TMEM233: variants seen among roughly 807,000 people sequenced by gnomAD.
The protein encoded by TMEM233 is dispanin subfamily B member 2.
TMEM233 carries 6 observed loss-of-function variants against 11.2 expected under a neutral mutation model. The ratio of observed to expected loss-of-function variants is 0.54; its 90% CI spans 0.29 to 1.06. The LOEUF (loss-of-function observed/expected upper bound fraction) is 1.06. Among genes scored for constraint, TMEM233 ranks in the 50% least tolerant of loss-of-function variants. The pLI, the probability that TMEM233 is intolerant of heterozygous loss-of-function variation, is 0.08. For synonymous variants in TMEM233, 59 were observed against 55.8 expected (o/e 1.06, Z -0.26); for missense variants, 127 against 144.7 (o/e 0.88, Z 0.63).
intron 2 of TMEM233, among the ~76,000 whole-genome samples, chr12:119,634,659 G>C (rs549433347): frequency 6.6e-6 from 1 of 152,134 alleles, no homozygotes; most frequent in South Asian, 2.1e-4. Context: ...GTAAATTACT[G>C]CCTTTTAAAA....
chr12:119,638,357 G>A (rs1955008509), intron 2 of TMEM233, among the ~76,000 whole-genome samples: 2 of 152,262 alleles, frequency 1.3e-5, no homozygotes, highest in South Asian at 2.1e-4. Flanking sequence ...CAGCTACTTG[G>A]GAGGCTCAGG....
intron 1 of TMEM233, among the ~76,000 whole-genome samples, chr12:119,599,805 T>A (rs557974525): frequency 6.6e-6 from 1 of 152,184 alleles, no homozygotes; most frequent in Admixed American, 6.5e-5. Context: ...CCTCACCAAC[T>A]CAGACAGAAG....
rs969758400 is a variant in TMEM233, at chr12:119,595,448, T to C, written c.186+1414T>C. On this transcript the variant is annotated intron_variant, in intron 1 of 2. Transcript: ENST00000426426. This position sits in a 1 kb window ranked among gnomAD's most constrained non-coding sequence, Gnocchi z 4.3. ...CTCCATTTGCACCCGTAACTTGCCC[T>C]TTCCCAAACCCGGTTTGTGGACAGC... is the stretch of plus-strand genomic sequence containing the variant. Among the ~76,000 whole-genome samples the C allele has an allele frequency of 9.2e-5, 14 of 152,256 alleles. No individual in the cohort carries two copies. The highest frequency in any genetic ancestry group is 3.1e-4 in the African/African-American group (13 of 41,480).
chr12:119,648,664 A>C, the TMEM233 span, among the ~76,000 whole-genome samples: 1 of 152,174 alleles, frequency 6.6e-6, no homozygotes, highest in African/African-American at 2.4e-5. Context: ...GAGGGCAGGG[A>C]CCATGTTCAT....
intron 1 of TMEM233, among the ~76,000 whole-genome samples, chr12:119,610,825 T>C (rs1954382638): frequency 6.6e-6 from 1 of 152,140 alleles, no homozygotes; most frequent in Non-Finnish European, 1.5e-5. Context: ...ATACAACCCA[T>C]TTGCAGTCAC....
At chr12:119,637,003 T>C (rs996860297) in intron 2 of TMEM233, among the ~76,000 whole-genome samples, 22 of 152,022 alleles carry the variant, frequency 1.4e-4, no homozygotes, top group African/African-American at 5.3e-4. Flanking sequence ...TGTGGCTGGG[T>C]TTAGGGTTCA....
intron 1 of TMEM233, among the ~76,000 whole-genome samples, chr12:119,627,791 C>T (rs1274852134): frequency 6.6e-6 from 1 of 152,170 alleles, no homozygotes; most frequent in African/African-American, 2.4e-5. Context: ...CCGGCTGAAA[C>T]AGGGAAAAGG....
In TMEM233 at chr12:119,593,929, C is replaced by A. The variant is rs750433707; in HGVS notation, c.81C>A (p.Thr27=). 1 of 1,551,740 alleles carries A rather than the reference C, an allele frequency of 6.4e-7. No individual in the cohort carries two copies. The highest frequency in any genetic ancestry group is 1.2e-5 in the South Asian group (1 of 84,064). Residue 27 remains threonine (T), a synonymous_variant, in exon 1 of 3, where the codon ACC becomes ACA. Coordinates refer to ENST00000426426, the MANE Select transcript of TMEM233 (RefSeq NM_001136534.3). The surrounding 1 kb of genome is among the most constrained non-coding windows in gnomAD (Gnocchi z 4.1). ...SPEANTEDDK[T]EEDVPMPKNY... Reference sequence around the variant, plus strand: ...AGGCCAACACTGAAGATGACAAGACCGAGGAGGACGTGCCCATGCCCAAGA... The same window carrying A: ...AGGCCAACACTGAAGATGACAAGACAGAGGAGGACGTGCCCATGCCCAAGA...
At position 119,594,367 on chromosome 12, in the gene TMEM233, T is replaced by A. The variant is rs1035678088; in HGVS notation, c.186+333T>A. 3.8e-6 allele frequency: 1 copy of A among 263,122 alleles called. No homozygotes were observed. The highest frequency in any genetic ancestry group is 5.0e-5 in the Admixed American group (1 of 20,062). 16.3% of individuals were successfully genotyped at this position (263,122 alleles called of 1,614,324 possible). A position where few individuals can be genotyped will look rare whatever the true frequency, so the allele number is the denominator to read the frequency against. ...ACTTTGCTGACTCCTCTGACCTTCCTAGGCACTTGCCCGGGGCTTCTCAAC... is the reference window on the plus strand; with the variant it reads ...ACTTTGCTGACTCCTCTGACCTTCCAAGGCACTTGCCCGGGGCTTCTCAAC... On this transcript the variant is annotated intron_variant, in intron 1 of 2. Transcript: ENST00000426426. The surrounding 1 kb of genome is among the most constrained non-coding windows in gnomAD (Gnocchi z 5.6).
chr12:119,628,791 C>G (rs377516964), intron 1 of TMEM233, among the ~76,000 whole-genome samples: 1 of 152,004 alleles, frequency 6.6e-6, no homozygotes, highest in Non-Finnish European at 1.5e-5. Flanking sequence ...TGAGCCACCA[C>G]GCCCGGCCCA....
chr12:119,616,337 C>A (rs1954532697), intron 1 of TMEM233, among the ~76,000 whole-genome samples: 1 of 152,204 alleles, frequency 6.6e-6, no homozygotes, highest in African/African-American at 2.4e-5. Context: ...AGACTATGCT[C>A]TTGTTCTATA....
Position 119,629,784 on chromosome 12 carries a change from G to C in TMEM233, c.235G>C (p.Gly79Arg). 6 of 1,551,664 alleles carry C rather than the reference G, an allele frequency of 3.9e-6. No individual in the cohort carries two copies. Among genetic ancestry groups the C allele is most frequent in the Non-Finnish European group, 5.2e-6 (6 of 1,146,960 alleles). ...DGDYEGARRL[G>R]RNAKWVAIAS... is the part of the protein sequence containing the mutation. ...AGACTACGAAGGAGCCAGGCGGCTT[G>C]GGCGGAATGCTAAGTGGGTAGCCAT... is the stretch of plus-strand genomic sequence containing the variant. Residue 79 changes from glycine (G) to arginine (R), a missense_variant, in exon 2 of 3, where the codon GGG becomes CGG. Transcript: ENST00000426426.
downstream of TMEM233, among the ~76,000 whole-genome samples, chr12:119,643,220 C>A (rs1362498017): frequency 1.3e-5 from 2 of 152,136 alleles, no homozygotes; most frequent in East Asian, 1.9e-4. Flanking sequence ...TCACTCTGAA[C>A]TAATTTATGG....
chr12:119,622,999 G>A (rs191689562), intron 1 of TMEM233, among the ~76,000 whole-genome samples: 7 of 152,260 alleles, frequency 4.6e-5, no homozygotes, highest in Non-Finnish European at 8.8e-5. Context: ...CGTGGGGCAG[G>A]ATTCACCTGT....
intron 1 of TMEM233, among the ~76,000 whole-genome samples, chr12:119,614,589 C>G (rs1193360698): frequency 6.6e-6 from 1 of 152,182 alleles, no homozygotes; most frequent in Non-Finnish European, 1.5e-5. Context: ...TCAAATCTTG[C>G]TCTTAATTTC....
chr12:119,634,204 G>T (rs1954934048), intron 2 of TMEM233: 2 of 984,466 alleles, frequency 2.0e-6, no homozygotes, highest in Non-Finnish European at 2.4e-6. Flanking sequence ...AGCCTCCTTT[G>T]TAACAATCTA....
At chr12:119,628,849 A>C (rs1954816480) in intron 1 of TMEM233, among the ~76,000 whole-genome samples, 1 of 152,160 alleles carries the variant, frequency 6.6e-6, no homozygotes, top group Non-Finnish European at 1.5e-5. Flanking sequence ...AAAACTTCCC[A>C]GGCTAGGCCC....
intron 1 of TMEM233, among the ~76,000 whole-genome samples, chr12:119,622,861 A>C (rs932651520): frequency 1.3e-5 from 2 of 152,218 alleles, no homozygotes; most frequent in Non-Finnish European, 2.9e-5. Context: ...TAATACTGAA[A>C]GAGGCTTTTC....
chr12:119,639,280 T>A (rs550402382), intron 2 of TMEM233, among the ~76,000 whole-genome samples: 4 of 152,072 alleles, frequency 2.6e-5, no homozygotes, highest in Non-Finnish European at 4.4e-5. Flanking sequence ...AGGGACATTT[T>A]CATTTCTGTT....
Sources: allele counts gnomAD v4.1 joint callset (sites outside exome capture counted in the v4.1 genomes callset), GRCh38; gene constraint gnomAD v4.1.1; non-coding constraint Gnocchi (gnomAD v3.1); transcripts MANE v1.5; gene names NCBI Gene and HGNC (gene_info 2026-07-23, HGNC 2026-07-21).